The following RPAP2 variants were observed in gnomAD, a reference collection of about 807,000 sequenced individuals.
RPAP2 encodes putative RNA polymerase II subunit B1 CTD phosphatase RPAP2.
RPAP2 carries 52 observed loss-of-function variants against 73.1 expected under a neutral mutation model. The observed-to-expected ratio is 0.71, with a 90% confidence interval of 0.57 to 0.90. RPAP2 has a LOEUF of 0.90. Among genes scored for constraint, RPAP2 ranks in the 40% least tolerant of loss-of-function variants. The pLI is 0.00. For missense variants in RPAP2, 598 were observed against 701.8 expected, an observed-to-expected ratio of 0.85 and a Z score of 1.67; for synonymous variants, 225 against 242.1, an observed-to-expected ratio of 0.93 and a Z score of 0.65.
At chr1:92,355,414 A>G (rs1425866875) in intron 11 of RPAP2, among the ~76,000 whole-genome samples, 1 of 152,148 alleles carries the variant, frequency 6.6e-6, no homozygotes, top group African/African-American at 2.4e-5. Flanking sequence ...AAAGTAAGAA[A>G]CTGTTTTCAT....
chr1:92,359,468 C>T (rs1373176261), intron 11 of RPAP2, among the ~76,000 whole-genome samples: 1 of 152,124 alleles, frequency 6.6e-6, no homozygotes, highest in Non-Finnish European at 1.5e-5. Flanking sequence ...TACAGGCATG[C>T]GCCACCATGC....
chr1:92,300,214 T>C lies in RPAP2; in HGVS notation c.94T>C (p.Leu32=). 6.2e-7 allele frequency: 1 copy of C among 1,610,826 alleles called. No individual in the cohort carries two copies. ...TGTAGGTACTAAACAGACAAGTACT[T>C]TGAAACAAGAAGATGCTTCTAAAAG... ...KAAGTKQTST[L]KQEDASKRKA... Residue 32 remains leucine (L), a synonymous_variant, in exon 2 of 13, where the codon TTG becomes CTG. Transcript: ENST00000610020.
chr1:92,351,572 C>G (rs567636192), intron 11 of RPAP2, among the ~76,000 whole-genome samples: 1 of 152,240 alleles, frequency 6.6e-6, no homozygotes, highest in South Asian at 2.1e-4. Context: ...TACTCCTTCC[C>G]TCTTCCCTTT....
chr1:92,321,150 A>G (rs1652231853), intron 7 of RPAP2, among the ~76,000 whole-genome samples: 2 of 152,222 alleles, frequency 1.3e-5, no homozygotes, highest in African/African-American at 2.4e-5. Flanking sequence ...AAATGTTCCT[A>G]GTTAATAGTC....
At chr1:92,326,367 G>C (rs895915383) in intron 8 of RPAP2, among the ~76,000 whole-genome samples, 1 of 152,172 alleles carries the variant, frequency 6.6e-6, no homozygotes, top group East Asian at 1.9e-4. Context: ...GGAGATGGCA[G>C]GGGGGTGAAA....
intron 6 of RPAP2, among the ~76,000 whole-genome samples, chr1:92,314,780 C>G (rs1285392440): frequency 1.4e-5 from 2 of 140,312 alleles, no homozygotes; most frequent in Non-Finnish European, 3.0e-5. Flanking sequence ...TGTGGTGGCT[C>G]ACACCTGTAA....
intron 8 of RPAP2, among the ~76,000 whole-genome samples, chr1:92,325,356 T>C (rs547120746): frequency 1.3e-5 from 2 of 152,254 alleles, no homozygotes. Context: ...CTATAGAGTG[T>C]TGCTTGGCCC....
At chr1:92,366,596 T>G (rs2101404849) in intron 11 of RPAP2, among the ~76,000 whole-genome samples, 1 of 152,282 alleles carries the variant, frequency 6.6e-6, no homozygotes, top group South Asian at 2.1e-4. Flanking sequence ...CTAATGGAGT[T>G]GAATCTTCTG....
rs995464025 is a variant in RPAP2 at position 92,396,640 on chromosome 1, G to C, written c.*9629G>C. 2.0e-5 allele frequency: 3 copies of C among 150,858 alleles called. No homozygotes were observed. Among genetic ancestry groups the C allele is most frequent in the African/African-American group, 7.4e-5 (3 of 40,452 alleles). The allele number at this position is 150,858 out of a possible 1,614,324, so 9.3% of individuals were successfully genotyped here. ...TAATTTTTGCACAACTTTTATGTGT[G>C]TGTGTGTGTGTGTGTGTGAGATGGA... On this transcript the variant is annotated 3_prime_UTR_variant, in exon 13 of 13. Coordinates refer to ENST00000610020, the MANE Select transcript of RPAP2 (RefSeq NM_024813.3).
chr1:92,368,731 G>T (rs1655028076), intron 11 of RPAP2, among the ~76,000 whole-genome samples: 1 of 152,206 alleles, frequency 6.6e-6, no homozygotes, highest in Admixed American at 6.5e-5. Flanking sequence ...TTGTTTGATA[G>T]CTCAGTAATA....
intron 6 of RPAP2, among the ~76,000 whole-genome samples, chr1:92,319,991 T>TC (rs780983493): frequency 4.3e-5 from 6 of 138,934 alleles, no homozygotes; most frequent in Admixed American, 1.5e-4. Context: ...AGAGCAAAAC[T>TC]CCATCTCAAA....
chr1:92,385,775 G>C (rs571323664), intron 12 of RPAP2, among the ~76,000 whole-genome samples: 4 of 152,314 alleles, frequency 2.6e-5, no homozygotes, highest in South Asian at 2.1e-4. Context: ...GATGTTTGTG[G>C]TTTAAAGTAA....
chr1:92,330,560 G>T (rs1652908369), intron 8 of RPAP2, among the ~76,000 whole-genome samples: 1 of 143,770 alleles, frequency 7.0e-6, no homozygotes, highest in Non-Finnish European at 1.5e-5. Flanking sequence ...CGATTTTCCT[G>T]CCTCAGCCTC....
intron 10 of RPAP2, among the ~76,000 whole-genome samples, chr1:92,337,718 T>C (rs1653359662): frequency 6.6e-6 from 1 of 152,074 alleles, no homozygotes; most frequent in African/African-American, 2.4e-5. Context: ...TATTGGATTA[T>C]TATATATCTG....
chr1:92,374,656 C>T (rs928930198), intron 11 of RPAP2, among the ~76,000 whole-genome samples: 5 of 152,154 alleles, frequency 3.3e-5, no homozygotes, highest in African/African-American at 4.8e-5. Context: ...CCATAGTAGG[C>T]GGATAAAATG....
At chr1:92,347,408 C>A (rs1242836090) in intron 11 of RPAP2, among the ~76,000 whole-genome samples, 1 of 152,138 alleles carries the variant, frequency 6.6e-6, no homozygotes, top group Non-Finnish European at 1.5e-5. Context: ...TGTAGTTCTG[C>A]AATTCATTAT....
rs1416971918 is a variant in RPAP2 at position 92,401,464 on chromosome 1, A to G, written c.*14453A>G. 6.6e-6 allele frequency: 1 copy of G among 152,254 alleles called. No individual in the cohort carries two copies. The highest frequency in any genetic ancestry group is 1.5e-5 in the Non-Finnish European group (1 of 68,048). The allele number at this position is 152,254 out of a possible 1,614,324, so 9.4% of individuals were successfully genotyped here. A position where few individuals can be genotyped will look rare whatever the true frequency, so the allele number is the denominator to read the frequency against. ...TTGTAGAATTCTGAGGACTTTCTAC[A>G]TACACAATCATGTCATCAGCAAATA... On this transcript the variant is annotated 3_prime_UTR_variant, in exon 13 of 13. Coordinates refer to ENST00000610020, the MANE Select transcript of RPAP2 (RefSeq NM_024813.3).
rs1163229869 is a variant in RPAP2 at position 92,304,333 on chromosome 1, A to C, written c.383A>C (p.Asp128Ala). The change falls in exon 5 of 13, where the codon GAT becomes GCT. Residue 128 changes from aspartate to alanine, a missense_variant. Physicochemically the swap from Asp to Ala is moderately radical, Grantham distance 126. Around this residue, in one of 3 missense-constraint regions of RPAP2, gnomAD observed 506 missense variants for 612.8 expected, o/e 0.83. Transcript: ENST00000610020. Reference protein sequence around the residue: ...KISTKTNKVYDITERKSFCSN... With the variant: ...KISTKTNKVYAITERKSFCSN... The stretch of plus-strand genomic sequence containing the variant: ...TCTACCAAAACCAATAAAGTCTATG[A>C]TATTACTGAAAGAAAGGTGAGTTTA... 6.6e-7 allele frequency: 1 copy of C among 1,520,944 alleles called. No individual in the cohort carries two copies. Among genetic ancestry groups the C allele is most frequent in the Non-Finnish European group, 9.0e-7 (1 of 1,108,334 alleles). 94.2% of individuals were successfully genotyped at this position (1,520,944 alleles called of 1,614,324 possible).
rs1251379344 is a variant in RPAP2 at position 92,345,883 on chromosome 1, TG to T, written c.1659del (p.Trp553Ter). The T allele has an allele frequency of 5.0e-6, 8 of 1,606,282 alleles. No homozygotes were observed. The South Asian group carries it at 8.8e-5, about 18-fold the overall frequency. On this transcript the variant is annotated frameshift_variant, in exon 11 of 13. Transcript: ENST00000610020. LOFTEE classifies it high-confidence loss of function. ...AAATATTATACACAAACCTGCGGAA[TG>T]GACTTTAATTGCTATGGTGTTGCTG... ...NRNIIHKPAE[W>X]TLIAMVLLSL...
Sources: gnomAD v4.1 joint callset for allele counts (sites outside exome capture counted in the v4.1 genomes callset) on GRCh38, gnomAD v4.1.1 for gene constraint, gnomAD v4.1.1 regional missense constraint, MANE v1.5 for transcripts, NCBI Gene and HGNC (gene_info 2026-07-23, HGNC 2026-07-21) for gene names.